Variants in CACNA2D1 observed in about 807,000 individuals in gnomAD.
CACNA2D1 encodes calcium voltage-gated channel auxiliary subunit alpha2delta 1.
In CACNA2D1, 53 loss-of-function variants were observed where a neutral mutation model predicts 171.5. The ratio of observed to expected loss-of-function variants is 0.31; its 90% CI spans 0.25 to 0.39. The LOEUF is 0.39. CACNA2D1 is among the 10% of genes least tolerant of loss of function. The pLI is 1.00. For missense variants in CACNA2D1, 903 were observed against 1,299.8 expected, an observed-to-expected ratio of 0.69 and a Z score of 4.69; for synonymous variants, 442 against 443.1, an observed-to-expected ratio of 1.00 and a Z score of 0.03.
chr7:82,157,289 T>C (rs955670988), intron 4 of CACNA2D1, among the ~76,000 whole-genome samples: 4 of 152,080 alleles, frequency 2.6e-5, no homozygotes, highest in Non-Finnish European at 5.9e-5. Flanking sequence ...CACCAGAGAA[T>C]CCCATGATCT....
In CACNA2D1 at chr7:81,964,369, A is replaced by G. The variant is rs1475901396; in HGVS notation, c.2575-10T>C. Reference sequence around the variant, plus strand: ...CAAAAAATCTTCCAATCTGGTGAAGAAAAAAATCATAAAGCAACGTGCACT... The same window carrying G: ...CAAAAAATCTTCCAATCTGGTGAAGGAAAAAATCATAAAGCAACGTGCACT... On this transcript the variant is annotated splice_polypyrimidine_tract_variant and intron_variant, in intron 32 of 38. Transcript: ENST00000356860. The G allele has an allele frequency of 1.9e-6, 3 of 1,609,788 alleles. No homozygotes were observed. The highest frequency in any genetic ancestry group is 2.5e-6 in the Non-Finnish European group (3 of 1,177,374).
intron 3 of CACNA2D1, among the ~76,000 whole-genome samples, chr7:82,224,456 C>T (rs145168020): frequency 0.03 from 4,607 of 152,152 alleles, 102 homozygotes; most frequent in Middle Eastern, 0.051. Context: ...CGTGGTGGCA[C>T]ACGCCTGTAA....
At chr7:82,346,257 A>G (rs1394261360) in intron 2 of CACNA2D1, among the ~76,000 whole-genome samples, 1 of 152,190 alleles carries the variant, frequency 6.6e-6, no homozygotes, top group Non-Finnish European at 1.5e-5. Context: ...TTTAGCTTGT[A>G]TCTTTGTCAT....
At chr7:82,389,629 C>T (rs1824863029) in intron 1 of CACNA2D1, among the ~76,000 whole-genome samples, 1 of 152,104 alleles carries the variant, frequency 6.6e-6, no homozygotes, top group East Asian at 1.9e-4. Context: ...TGTACAGATT[C>T]GATGCCTCAT....
chr7:82,423,566 CAAGG>C lies in CACNA2D1; in HGVS notation c.95+19795_95+19798del, dbSNP rs551663665. On this transcript the variant is annotated intron_variant, in intron 1 of 38. Transcript: ENST00000356860. ...TTGCTTATGAGCAACAAAATTCTGG[CAAGG>C]AACTACAGAGCTTGTAGTTCCTCGT... 1.3e-3 allele frequency among the ~76,000 whole-genome samples: 198 copies of C among 152,262 alleles called. 2 individuals carry two copies. The highest frequency in any genetic ancestry group is 2.1e-3 in the Non-Finnish European group (145 of 67,994).
intron 5 of CACNA2D1, among the ~76,000 whole-genome samples, chr7:82,128,222 G>C (rs920692762): frequency 6.6e-6 from 1 of 151,858 alleles, no homozygotes; most frequent in Non-Finnish European, 1.5e-5. Flanking sequence ...GCACCACAAC[G>C]CCTGGCCGCT....
chr7:82,005,326 A>T, intron 18 of CACNA2D1, 97 bp downstream of exon 18: 2 of 770,156 alleles, frequency 2.6e-6, no homozygotes, highest in Middle Eastern at 2.9e-4. Context: ...TTTGATATTT[A>T]GTGTTATACG....
At chr7:82,043,429 C>T (rs1427930485) in intron 10 of CACNA2D1, among the ~76,000 whole-genome samples, 2 of 152,120 alleles carry the variant, frequency 1.3e-5, no homozygotes, top group Non-Finnish European at 2.9e-5. Flanking sequence ...AGATAAACTG[C>T]CTCAGCTGTA....
At chr7:82,151,190 G>C (rs1353876378) in intron 4 of CACNA2D1, among the ~76,000 whole-genome samples, 1 of 152,074 alleles carries the variant, frequency 6.6e-6, no homozygotes, top group Admixed American at 6.5e-5. Context: ...AAAAGTAAAG[G>C]AGAGGCAAGG....
chr7:82,223,842 C>G (rs192959915), intron 3 of CACNA2D1, among the ~76,000 whole-genome samples: 34 of 152,272 alleles, frequency 2.2e-4, no homozygotes, highest in African/African-American at 7.9e-4. Flanking sequence ...CCTGCTTAAC[C>G]CCATCCAATG....
intron 10 of CACNA2D1, among the ~76,000 whole-genome samples, chr7:82,043,386 A>G (rs1018500122): frequency 6.6e-6 from 1 of 152,182 alleles, no homozygotes; most frequent in Non-Finnish European, 1.5e-5. Context: ...ACTCAGTACT[A>G]AAATTAGAAC....
intron 38 of CACNA2D1, 152 bp downstream of exon 38, chr7:81,959,123 A>G: frequency 1.5e-6 from 1 of 656,416 alleles, no homozygotes; most frequent in Non-Finnish European, 2.8e-6. Flanking sequence ...TACTGAAATG[A>G]AAAAAATCTA....
Position 81,967,591 on chromosome 7 carries a change from CT to C in CACNA2D1, c.2463+4del. The C allele has an allele frequency of 6.9e-7, 1 of 1,449,572 alleles. No homozygotes were observed. The highest frequency in any genetic ancestry group is 9.6e-7 in the Non-Finnish European group (1 of 1,038,952). The allele number at this position is 1,449,572 out of a possible 1,614,324, so 89.8% of individuals were successfully genotyped here. A position where few individuals can be genotyped will look rare whatever the true frequency, so the allele number is the denominator to read the frequency against. ...TAGCATAAGAATTTTTTAAAAATAT[CT>C]TACCGGATCTCTGATTGAGGTTTTG... is the stretch of plus-strand genomic sequence containing the variant. On this transcript the variant is annotated splice_donor_region_variant and intron_variant, in intron 30 of 38. Coordinates refer to ENST00000356860, the MANE Select transcript of CACNA2D1 (RefSeq NM_000722.4).
At chr7:82,268,141 C>T (rs542560596) in intron 3 of CACNA2D1, among the ~76,000 whole-genome samples, 5 of 152,252 alleles carry the variant, frequency 3.3e-5, no homozygotes, top group African/African-American at 7.2e-5. Flanking sequence ...GAAAAATCTA[C>T]GTTTGGCATA....
intron 1 of CACNA2D1, among the ~76,000 whole-genome samples, chr7:82,389,143 T>C (rs1317193677): frequency 7.4e-6 from 1 of 135,046 alleles, no homozygotes; most frequent in Non-Finnish European, 1.5e-5. Flanking sequence ...TATATATATA[T>C]ATATTTATAT....
At chr7:82,304,234 C>T (rs1389871592) in intron 3 of CACNA2D1, among the ~76,000 whole-genome samples, 1 of 151,648 alleles carries the variant, frequency 6.6e-6, no homozygotes, top group African/African-American at 2.4e-5. Context: ...CTCTTATATA[C>T]TTTTGGTAGT....
rs1452775327 is a variant in CACNA2D1 at position 81,949,997 on chromosome 7, G to C, written c.*395C>G. On this transcript the variant is annotated 3_prime_UTR_variant, in exon 39 of 39. Coordinates refer to ENST00000356860, the MANE Select transcript of CACNA2D1 (RefSeq NM_000722.4). ...GGCAAAAATAATTTCTTTCCCCTTA[G>C]AGATTTTCTTAGTAAAATTGCAGCA... The C allele has an allele frequency of 5.7e-6, 1 of 176,542 alleles. No individual in the cohort carries two copies. The highest frequency in any genetic ancestry group is 1.2e-5 in the Non-Finnish European group (1 of 83,324). 10.9% of individuals were successfully genotyped at this position (176,542 alleles called of 1,614,324 possible).
chr7:82,178,221 T>A (rs1466999363), intron 3 of CACNA2D1, among the ~76,000 whole-genome samples: 2 of 152,138 alleles, frequency 1.3e-5, no homozygotes, highest in African/African-American at 4.8e-5. Flanking sequence ...TCTGCCATAT[T>A]CATGAAATAC....
At chr7:82,126,040 A>G (rs1325099307) in intron 5 of CACNA2D1, among the ~76,000 whole-genome samples, 1 of 152,218 alleles carries the variant, frequency 6.6e-6, no homozygotes. Context: ...ACTGCCCTCT[A>G]TGATCCAGGA....
Sources: gnomAD v4.1 joint callset for allele counts (sites outside exome capture counted in the v4.1 genomes callset) on GRCh38, gnomAD v4.1.1 for gene constraint, MANE v1.5 for transcripts, NCBI Gene and HGNC (gene_info 2026-07-23, HGNC 2026-07-21) for gene names.